The following NR5A2 variants were observed in gnomAD, a reference collection of about 807,000 sequenced individuals.
NR5A2 encodes CYP7A promoter-binding factor.
NR5A2 carries 26 observed loss-of-function variants against 62.7 expected under a neutral mutation model. That is an observed-to-expected ratio of 0.41 (90% CI 0.30 to 0.58). The LOEUF is 0.58. Among genes scored for constraint, NR5A2 ranks in the 20% least tolerant of loss-of-function variants. The pLI, the probability that NR5A2 is intolerant of heterozygous loss-of-function variation, is 0.22. For missense variants in NR5A2, 541 were observed against 669.1 expected (o/e 0.81, Z 2.11); for synonymous variants, 246 against 241.7 (o/e 1.02, Z -0.16).
chr1:200,058,366 G>A (rs1010489389), intron 5 of NR5A2: 1 of 152,194 alleles, frequency 6.6e-6, no homozygotes, highest in Non-Finnish European at 1.5e-5. Flanking sequence ...TTATCAATAT[G>A]CTCACCTCTT....
At chr1:200,086,413 C>T (rs1015917810) in intron 5 of NR5A2, among the ~76,000 whole-genome samples, 1 of 152,080 alleles carries the variant, frequency 6.6e-6, no homozygotes, top group Admixed American at 6.5e-5. Context: ...AAGCTATTCT[C>T]CTGCCTCAGC....
intron 1 of NR5A2, among the ~76,000 whole-genome samples, chr1:200,036,435 G>T (rs1558094928): frequency 6.6e-6 from 1 of 152,208 alleles, no homozygotes; most frequent in African/African-American, 2.4e-5. Context: ...TCAGAGGGAG[G>T]AGGGAGTTCT....
At chr1:200,119,769 G>A (rs539529639) in intron 6 of NR5A2, among the ~76,000 whole-genome samples, 2 of 152,264 alleles carry the variant, frequency 1.3e-5, no homozygotes, top group South Asian at 2.1e-4. Flanking sequence ...TGGGATTACA[G>A]GCACATGCCA....
intron 2 of NR5A2, among the ~76,000 whole-genome samples, chr1:200,041,617 T>C (rs1662087214): frequency 6.6e-6 from 1 of 152,174 alleles, no homozygotes; most frequent in African/African-American, 2.4e-5. Flanking sequence ...GGCACCGCCG[T>C]CCGTTCTTCT....
At chr1:200,067,327 C>T (rs886605424) in intron 5 of NR5A2, among the ~76,000 whole-genome samples, 1 of 152,118 alleles carries the variant, frequency 6.6e-6, no homozygotes, top group African/African-American at 2.4e-5. Context: ...GAGGCCAAGG[C>T]GGGGAGATCA....
chr1:200,142,610 C>T (rs577258431), intron 7 of NR5A2, among the ~76,000 whole-genome samples: 33 of 152,258 alleles, frequency 2.2e-4, no homozygotes, highest in African/African-American at 7.7e-4. Flanking sequence ...CTCACTGCAG[C>T]CTCAAACTTC....
chr1:200,140,417 T>C (rs1667394637), intron 7 of NR5A2, among the ~76,000 whole-genome samples: 1 of 152,200 alleles, frequency 6.6e-6, no homozygotes, highest in Non-Finnish European at 1.5e-5. Flanking sequence ...AAATCTGCTT[T>C]GTCTGATATT....
intron 7 of NR5A2, among the ~76,000 whole-genome samples, chr1:200,140,935 G>T (rs1209036263): frequency 4.6e-5 from 7 of 152,160 alleles, no homozygotes; most frequent in Non-Finnish European, 1.0e-4. Context: ...GAAGGCTGAG[G>T]CAGGAGAATT....
intron 2 of NR5A2, chr1:200,042,886 G>C: frequency 2.0e-6 from 2 of 985,514 alleles, no homozygotes; most frequent in Non-Finnish European, 2.4e-6. Flanking sequence ...GAGCAAGGCG[G>C]TTACCCGATC....
intron 7 of NR5A2, among the ~76,000 whole-genome samples, chr1:200,151,760 T>C (rs1653139878): frequency 6.6e-6 from 1 of 152,216 alleles, no homozygotes; most frequent in African/African-American, 2.4e-5. Flanking sequence ...TTCTTTTGCA[T>C]TTGTCTTCTT....
intron 7 of NR5A2, among the ~76,000 whole-genome samples, chr1:200,166,684 G>A (rs1653919457): frequency 6.6e-6 from 1 of 152,136 alleles, no homozygotes; most frequent in African/African-American, 2.4e-5. Context: ...CCGCCCGAGG[G>A]AAGTCTCATG....
intron 5 of NR5A2, among the ~76,000 whole-genome samples, chr1:200,097,074 C>G (rs1324104399): frequency 6.6e-6 from 1 of 152,182 alleles, no homozygotes; most frequent in Non-Finnish European, 1.5e-5. Context: ...TCTTCTTTCT[C>G]TGAAAAATGC....
rs1033062029 is a variant in NR5A2 at position 200,176,945 on chromosome 1, C to T, written c.*2735C>T. 2.0e-5 allele frequency: 3 copies of T among 152,224 alleles called. No homozygotes were observed. Among genetic ancestry groups the T allele is most frequent in the African/African-American group, 7.2e-5 (3 of 41,454 alleles). The allele number at this position is 152,224 out of a possible 1,614,324, so 9.4% of individuals were successfully genotyped here. A position where few individuals can be genotyped will look rare whatever the true frequency, so the allele number is the denominator to read the frequency against. On this transcript the variant is annotated 3_prime_UTR_variant, in exon 8 of 8. Coordinates refer to ENST00000367362, the MANE Select transcript of NR5A2 (RefSeq NM_205860.3). ...AGAATGATTAGAAAGACGGGCAACA[C>T]AGCGGGTTACATCCACACTGCTGAT... is the stretch of plus-strand genomic sequence containing the variant.
At position 200,147,659 on chromosome 1, in the gene NR5A2, C is replaced by A; in HGVS notation, c.1379-26304C>A. 3 of 701,208 alleles carry A rather than the reference C, an allele frequency of 4.3e-6. No homozygotes were observed. The highest frequency in any genetic ancestry group is 2.7e-5 in the South Asian group (2 of 72,798). The allele number at this position is 701,208 out of a possible 1,614,324, so 43.4% of individuals were successfully genotyped here. ...TGGATCTTGTCGATTGAGTTGAAGT[C>A]GGACACGTGGAAGACATGGGTGGAC... On this transcript the variant is annotated intron_variant, in intron 7 of 7. Coordinates refer to ENST00000367362, the MANE Select transcript of NR5A2 (RefSeq NM_205860.3). This position sits in a 1 kb window ranked among gnomAD's most constrained non-coding sequence, Gnocchi z 4.9.
chr1:200,047,312 G>T (rs901227944), intron 4 of NR5A2, among the ~76,000 whole-genome samples: 2 of 152,164 alleles, frequency 1.3e-5, no homozygotes, highest in Non-Finnish European at 2.9e-5. Flanking sequence ...TCTGATGTGG[G>T]CTCATCAAGT....
chr1:200,052,099 G>T (rs192254702), intron 5 of NR5A2, among the ~76,000 whole-genome samples: 1 of 151,838 alleles, frequency 6.6e-6, no homozygotes, highest in Non-Finnish European at 1.5e-5. Context: ...TTGATTTCAC[G>T]GCCCATTAAT....
intron 7 of NR5A2, among the ~76,000 whole-genome samples, chr1:200,135,632 TGC>T (rs958708790): frequency 2.6e-5 from 4 of 152,182 alleles, no homozygotes; most frequent in African/African-American, 9.7e-5. Context: ...TGGTGATGAC[TGC>T]AAACTTGAAT....
intron 5 of NR5A2, among the ~76,000 whole-genome samples, chr1:200,066,035 A>G (rs1403434683): frequency 6.6e-6 from 1 of 152,218 alleles, no homozygotes; most frequent in African/African-American, 2.4e-5. Flanking sequence ...AGGAAGCCAT[A>G]GGAGGATTTT....
At chr1:200,074,564 C>A (rs2816920) in intron 5 of NR5A2, among the ~76,000 whole-genome samples, 1 of 150,904 alleles carries the variant, frequency 6.6e-6, no homozygotes, top group East Asian at 2.0e-4. Flanking sequence ...AGTGAAACTC[C>A]GTCTCTACTA....
Sources: allele counts gnomAD v4.1 joint callset (sites outside exome capture counted in the v4.1 genomes callset), GRCh38; gene constraint gnomAD v4.1.1; non-coding constraint Gnocchi (gnomAD v3.1); transcripts MANE v1.5; gene names NCBI Gene and HGNC (gene_info 2026-07-23, HGNC 2026-07-21).